The following F2RL1 variants were observed in gnomAD, a reference collection of about 807,000 sequenced individuals.
F2RL1 encodes the protein F2R like trypsin receptor 1.
Under a neutral mutation model 21.7 loss-of-function variants are expected in F2RL1, and 16 were observed. That is an observed-to-expected ratio of 0.74 (90% confidence interval 0.50 to 1.12). The LOEUF is 1.12. F2RL1 is among the 50% of genes most tolerant of loss of function. The probability of loss-of-function intolerance (pLI) is 0.00; values close to 1 mark genes in which losing one functional copy is unlikely to be tolerated. For missense variants in F2RL1, 432 were observed against 477.8 expected, an observed-to-expected ratio of 0.90 and a Z score of 0.89; for synonymous variants, 181 against 186.7, an observed-to-expected ratio of 0.97 and a Z score of 0.25.
intron 1 of F2RL1, among the ~76,000 whole-genome samples, chr5:76,830,492 T>G (rs1580935149): frequency 6.6e-6 from 1 of 152,156 alleles, no homozygotes; most frequent in South Asian, 2.1e-4. Flanking sequence ...TGGCCAGGCT[T>G]GTCTTGAACT....
chr5:76,829,446 C>T, intron 1 of F2RL1, among the ~76,000 whole-genome samples: 1 of 152,004 alleles, frequency 6.6e-6, no homozygotes, highest in Non-Finnish European at 1.5e-5. Flanking sequence ...AAAAACAGGT[C>T]CTTTATCCTG....
chr5:76,833,428 T>C lies in F2RL1; in HGVS notation c.821T>C (p.Met274Thr), dbSNP rs1489493022. 1.2e-6 allele frequency: 2 copies of C among 1,613,960 alleles called. No homozygotes were observed. The highest frequency in any genetic ancestry group is 1.7e-5 in the Admixed American group (1 of 59,994). Residue 274 changes from methionine to threonine, a missense_variant, in exon 2 of 2, where the codon ATG becomes ACG. Met to Thr is a moderately conservative substitution (Grantham distance 81). Coordinates refer to ENST00000296677, the MANE Select transcript of F2RL1 (RefSeq NM_005242.6). ...LMIRMLRSSA[M>T]DENSEKKRKR... ...ATCAGAATGCTGCGATCTTCTGCCA[T>C]GGATGAAAACTCAGAGAAGAAAAGG...
rs760277938 is a variant in F2RL1, at chr5:76,833,337, C to G, written c.730C>G (p.Leu244Val). 2 of 1,614,030 alleles carry G rather than the reference C, an allele frequency of 1.2e-6. No homozygotes were observed. The highest frequency in any genetic ancestry group is 2.2e-5 in the East Asian group (1 of 44,844). Residue 244 changes from leucine (L) to valine (V), a missense_variant, in exon 2 of 2, where the codon CTC (leucine) becomes GTC (valine). By Grantham distance (32) the Leu-to-Val change is conservative (BLOSUM62 1). Transcript: ENST00000296677. ...LLVGDMFNYF[L>V]SLAIGVFLFP... ...GGTGGGAGACATGTTCAATTACTTCCTCTCTCTGGCCATTGGGGTCTTTCT... is the reference window on the plus strand; with the variant it reads ...GGTGGGAGACATGTTCAATTACTTCGTCTCTCTGGCCATTGGGGTCTTTCT...
chr5:76,824,623 G>T (rs1750206481), intron 1 of F2RL1, among the ~76,000 whole-genome samples: 1 of 151,502 alleles, frequency 6.6e-6, no homozygotes, highest in Non-Finnish European at 1.5e-5. Flanking sequence ...CACCCTGCCA[G>T]GGCCTGAACT....
chr5:76,825,529 A>G (rs1245408205), intron 1 of F2RL1, among the ~76,000 whole-genome samples: 1 of 152,236 alleles, frequency 6.6e-6, no homozygotes, highest in African/African-American at 2.4e-5. Flanking sequence ...TTACAGCCCT[A>G]GAAATGGGAA....
intron 1 of F2RL1, among the ~76,000 whole-genome samples, chr5:76,820,281 C>G (rs111972549): frequency 6.0e-4 from 92 of 152,318 alleles, no homozygotes; most frequent in African/African-American, 2.0e-3. Flanking sequence ...TGATCCTAAC[C>G]GAGGCCCCTC....
intron 1 of F2RL1, among the ~76,000 whole-genome samples, chr5:76,827,253 G>A (rs1361488288): frequency 1.3e-5 from 2 of 149,880 alleles, no homozygotes; most frequent in Admixed American, 1.3e-4. Flanking sequence ...AGGCCGAGGT[G>A]GGCGGATCAC....
At position 76,829,254 on chromosome 5, in the gene F2RL1, C is replaced by G. The variant is rs1375338797; in HGVS notation, c.83-3436C>G. ...ACACCTTTTTTTTACCTTTGTTCTT[C>G]TTCTTCTTCTTTTTTTTTTTTTTGA... On this transcript the variant is annotated intron_variant, in intron 1 of 1. Coordinates refer to ENST00000296677, the MANE Select transcript of F2RL1 (RefSeq NM_005242.6). 3.9e-3 allele frequency among the ~76,000 whole-genome samples: 353 copies of G among 89,466 alleles called. 1 individual carries two copies. The highest frequency in any genetic ancestry group is 0.015 in the African/African-American group (290 of 19,282). 58.7% of individuals were successfully genotyped at this position (89,466 alleles called of 152,430 possible).
Position 76,833,108 on chromosome 5 carries a change from C to G in F2RL1, c.501C>G (p.Thr167=). Residue 167 remains threonine (T), a synonymous_variant, in exon 2 of 2, where the codon ACC becomes ACG. Coordinates refer to ENST00000296677, the MANE Select transcript of F2RL1 (RefSeq NM_005242.6). ...TGTACTGTTCCATTCTCTTCATGAC[C>G]TGCCTCAGTGTGCAGAGGTATTGGG... The part of the protein sequence containing the change: ...GNMYCSILFM[T]CLSVQRYWVI... 1.9e-6 allele frequency: 3 copies of G among 1,614,200 alleles called. No homozygotes were observed. Among genetic ancestry groups the G allele is most frequent in the Non-Finnish European group, 2.5e-6 (3 of 1,180,034 alleles).
Position 76,823,370 on chromosome 5 carries a change from G to GT in F2RL1, c.82+4124dup, listed in dbSNP as rs70982642. 5.0e-3 allele frequency among the ~76,000 whole-genome samples: 628 copies of GT among 125,948 alleles called. 3 individuals carry two copies. Among genetic ancestry groups the GT allele is most frequent in the Admixed American group, 5.6e-3 (69 of 12,430 alleles). 82.6% of individuals were successfully genotyped at this position (125,948 alleles called of 152,430 possible). On this transcript the variant is annotated intron_variant, in intron 1 of 1. Coordinates refer to ENST00000296677, the MANE Select transcript of F2RL1 (RefSeq NM_005242.6). ...CGGGTTTTGTTTGTTTGGTTGGTTG[G>GT]TTTTTTTTTTTTTTTTTTGAGATGG...
chr5:76,832,015 A>C (rs1488700153), intron 1 of F2RL1, among the ~76,000 whole-genome samples: 1 of 151,936 alleles, frequency 6.6e-6, no homozygotes, highest in African/African-American at 2.4e-5. Context: ...CTCTAAAAAA[A>C]AAAAAAATAA....
At chr5:76,828,052 C>G (rs1750277341) in intron 1 of F2RL1, among the ~76,000 whole-genome samples, 1 of 151,978 alleles carries the variant, frequency 6.6e-6, no homozygotes, top group Admixed American at 6.6e-5. Flanking sequence ...TCATTGCAAC[C>G]TGTGCCTCCC....
At position 76,832,883 on chromosome 5, in the gene F2RL1, T is replaced by C; in HGVS notation, c.276T>C (p.Ser92=). Residue 92 remains serine (S), a synonymous_variant, in exon 2 of 2, where the codon AGT becomes AGC. Coordinates refer to ENST00000296677, the MANE Select transcript of F2RL1 (RefSeq NM_005242.6). ...YTIVFVVGLP[S]NGMALWVFLF... The stretch of plus-strand genomic sequence containing the variant: ...TTGTGTTTGTGGTGGGTTTGCCAAG[T>C]AACGGCATGGCCCTGTGGGTCTTTC... 2.5e-6 allele frequency: 4 copies of C among 1,614,244 alleles called. No homozygotes were observed. The highest frequency in any genetic ancestry group is 3.4e-6 in the Non-Finnish European group (4 of 1,180,048).
intron 1 of F2RL1, among the ~76,000 whole-genome samples, chr5:76,829,072 C>T (rs932286680): frequency 6.6e-6 from 1 of 151,346 alleles, no homozygotes; most frequent in African/African-American, 2.4e-5. Flanking sequence ...ACCAAGATCG[C>T]ACCACTGCAC....
Position 76,833,433 on chromosome 5 carries a change from G to GA in F2RL1, c.830dup (p.Asn277LysfsTer27), listed in dbSNP as rs752226989. On this transcript the variant is annotated frameshift_variant, in exon 2 of 2. Coordinates refer to ENST00000296677, the MANE Select transcript of F2RL1 (RefSeq NM_005242.6). LOFTEE classifies it high-confidence loss of function. ...AATGCTGCGATCTTCTGCCATGGATGAAAACTCAGAGAAGAAAAGGAAGAG... is the reference window on the plus strand; with the variant it reads ...AATGCTGCGATCTTCTGCCATGGATGAAAAACTCAGAGAAGAAAAGGAAGAG... The GA allele has an allele frequency of 1.1e-5, 17 of 1,613,902 alleles. No homozygotes were observed. In the South Asian group the frequency reaches 1.9e-4, roughly 18 times the overall value.
At chr5:76,822,047 C>T (rs1009179266) in intron 1 of F2RL1, among the ~76,000 whole-genome samples, 20 of 152,154 alleles carry the variant, frequency 1.3e-4, no homozygotes, top group Admixed American at 1.1e-3. Flanking sequence ...TACATCCATG[C>T]ACAAAATATG....
rs1268221012 is a variant in F2RL1, at chr5:76,834,693, G to C, written c.*892G>C. The C allele has an allele frequency of 6.6e-6, 1 of 152,164 alleles. No individual in the cohort carries two copies. The highest frequency in any genetic ancestry group is 1.5e-5 in the Non-Finnish European group (1 of 68,032). The allele number at this position is 152,164 out of a possible 1,614,324, so 9.4% of individuals were successfully genotyped here. On this transcript the variant is annotated 3_prime_UTR_variant, in exon 2 of 2. Transcript: ENST00000296677. ...GCAGATTCCTCAGATTCAATAATGAGAGCTCAGACTGGGAACAGGGCCCAG... is the reference window on the plus strand; with the variant it reads ...GCAGATTCCTCAGATTCAATAATGACAGCTCAGACTGGGAACAGGGCCCAG...
chr5:76,827,627 C>T (rs1213038265), intron 1 of F2RL1, among the ~76,000 whole-genome samples: 43 of 103,764 alleles, frequency 4.1e-4, no homozygotes, highest in Admixed American at 1.4e-3. Context: ...TTTTTTGAGA[C>T]GGAGTCATGC....
intron 1 of F2RL1, among the ~76,000 whole-genome samples, chr5:76,821,820 TCCAC>T (rs1364824539): frequency 2.0e-5 from 3 of 152,062 alleles, no homozygotes; most frequent in Non-Finnish European, 2.9e-5. Flanking sequence ...CCTCAGGTGA[TCCAC>T]CCACCTTCAG....
Sources: gnomAD v4.1 joint callset for allele counts (sites outside exome capture counted in the v4.1 genomes callset) on GRCh38, gnomAD v4.1.1 for gene constraint, MANE v1.5 for transcripts, NCBI Gene and HGNC (gene_info 2026-07-23, HGNC 2026-07-21) for gene names.